Variants in HIP1 observed in about 807,000 individuals in gnomAD.
The protein encoded by HIP1 is huntingtin-interacting protein 1.
In HIP1, 65 loss-of-function variants were observed where a neutral mutation model predicts 147.6. The ratio of observed to expected loss-of-function variants is 0.44; its 90% CI spans 0.36 to 0.54. The LOEUF is 0.54. Ranked by LOEUF, HIP1 falls within the 20% of genes least tolerant of loss-of-function variation. HIP1 has a pLI of 0.00. For missense variants in HIP1, 1,061 were observed against 1,299.6 expected, an observed-to-expected ratio of 0.82 and a Z score of 2.82; for synonymous variants, 479 against 504.0, an observed-to-expected ratio of 0.95 and a Z score of 0.67.
intron 1 of HIP1, among the ~76,000 whole-genome samples, chr7:75,738,428 G>A (rs1035985549): frequency 1.3e-5 from 2 of 152,040 alleles, no homozygotes; most frequent in African/African-American, 4.8e-5. Flanking sequence ...CCCCACACTT[G>A]AGCCTCCAAG....
chr7:75,677,605 A>G (rs1232663425), intron 1 of HIP1, among the ~76,000 whole-genome samples: 1 of 14,242 alleles, frequency 7.0e-5, no homozygotes, highest in East Asian at 2.0e-3. Context: ...ACTCCATCTA[A>G]AAAAAAAAAA....
Position 75,537,898 on chromosome 7 carries a change from C to A in HIP1, c.*274G>T, listed in dbSNP as rs1794147691. 2.0e-6 allele frequency: 1 copy of A among 502,258 alleles called. No individual in the cohort carries two copies. The highest frequency in any genetic ancestry group is 3.3e-5 in the East Asian group (1 of 30,044). The allele number at this position is 502,258 out of a possible 1,614,324, so 31.1% of individuals were successfully genotyped here. A position where few individuals can be genotyped will look rare whatever the true frequency, so the allele number is the denominator to read the frequency against. ...TTGAGTGGCCCTGCCCCCCACCACCCCTCTTCGTACCTAGGCTTGCTCATG... is the reference window on the plus strand; with the variant it reads ...TTGAGTGGCCCTGCCCCCCACCACCACTCTTCGTACCTAGGCTTGCTCATG... On this transcript the variant is annotated 3_prime_UTR_variant, in exon 31 of 31. Coordinates refer to ENST00000336926, the MANE Select transcript of HIP1 (RefSeq NM_005338.7).
intron 1 of HIP1, among the ~76,000 whole-genome samples, chr7:75,711,041 G>C (rs781894440): frequency 1.3e-5 from 2 of 152,050 alleles, no homozygotes; most frequent in Non-Finnish European, 2.9e-5. Context: ...GTCTACCTAT[G>C]AGAACTGCAC....
intron 1 of HIP1, among the ~76,000 whole-genome samples, chr7:75,604,837 G>A (rs1797157610): frequency 6.6e-6 from 1 of 152,114 alleles, no homozygotes; most frequent in Admixed American, 6.6e-5. Context: ...TGGTCATTAT[G>A]AACCTTGCTC....
intron 28 of HIP1, among the ~76,000 whole-genome samples, 199 bp downstream of exon 28, chr7:75,542,652 T>C (rs1354432461): frequency 1.3e-5 from 2 of 152,038 alleles, no homozygotes; most frequent in Admixed American, 6.6e-5. Flanking sequence ...TGAGCAGAGA[T>C]GGTACCACTG....
chr7:75,652,579 G>A (rs1799031837), intron 1 of HIP1, among the ~76,000 whole-genome samples: 1 of 151,902 alleles, frequency 6.6e-6, no homozygotes. Flanking sequence ...TGCCTGGGCT[G>A]GTCTTGAACT....
chr7:75,581,990 A>C, intron 6 of HIP1, 85 bp downstream of exon 6: 2 of 1,137,628 alleles, frequency 1.8e-6, no homozygotes, highest in Non-Finnish European at 2.6e-6. Context: ...GCCTCCCCCC[A>C]TCAGGCCCTC....
chr7:75,575,942 A>T (rs1365227723), intron 7 of HIP1, among the ~76,000 whole-genome samples: 2 of 151,894 alleles, frequency 1.3e-5, no homozygotes, highest in African/African-American at 4.8e-5. Flanking sequence ...GAACTGTTCT[A>T]ATTAAAAGGC....
chr7:75,575,809 C>T (rs1230212557), intron 7 of HIP1, among the ~76,000 whole-genome samples: 2 of 152,082 alleles, frequency 1.3e-5, no homozygotes, highest in Non-Finnish European at 2.9e-5. Flanking sequence ...TGACTCTCCC[C>T]GCGGTCCCTC....
At chr7:75,674,532 G>A (rs577512543) in intron 1 of HIP1, among the ~76,000 whole-genome samples, 23 of 143,262 alleles carry the variant, frequency 1.6e-4, no homozygotes, top group East Asian at 6.1e-4. Context: ...TCACTCTGTC[G>A]CCTAGGCTGT....
intron 1 of HIP1, among the ~76,000 whole-genome samples, chr7:75,621,159 A>G (rs1189423976): frequency 1.3e-5 from 2 of 152,158 alleles, no homozygotes; most frequent in African/African-American, 4.8e-5. Context: ...GTGAGCTACG[A>G]TAGGGCCACT....
intron 1 of HIP1, 55 bp downstream of exon 1, chr7:75,738,746 G>A (rs1802108274): frequency 3.2e-6 from 5 of 1,570,426 alleles, no homozygotes; most frequent in East Asian, 4.8e-5. Context: ...AGCCCCTCCC[G>A]GACACCGCGT....
intron 2 of HIP1, among the ~76,000 whole-genome samples, chr7:75,593,053 C>T (rs1349424121): frequency 2.0e-5 from 3 of 152,242 alleles, no homozygotes; most frequent in Admixed American, 1.3e-4. Flanking sequence ...ACTGTAACCT[C>T]AAACTCCTGG....
At chr7:75,556,895 A>G (rs1795026466) in intron 16 of HIP1, 84 bp from the exon 17 acceptor site, 1 of 853,634 alleles carries the variant, frequency 1.2e-6, no homozygotes, top group Non-Finnish European at 2.0e-6. Context: ...CCAAGCGATC[A>G]ACAAGAGATC....
chr7:75,724,513 G>T (rs1554522134), intron 1 of HIP1, among the ~76,000 whole-genome samples: 1 of 151,928 alleles, frequency 6.6e-6, no homozygotes. Flanking sequence ...CTCCCAAAGT[G>T]CTGGGATTAC....
chr7:75,546,409 C>G (rs992365158), intron 25 of HIP1, among the ~76,000 whole-genome samples: 1 of 152,188 alleles, frequency 6.6e-6, no homozygotes, highest in Non-Finnish European at 1.5e-5. Flanking sequence ...ATTAACCCCT[C>G]CCCTGGACTT....
At chr7:75,635,275 C>T (rs1554509495) in intron 1 of HIP1, among the ~76,000 whole-genome samples, 1 of 152,106 alleles carries the variant, frequency 6.6e-6, no homozygotes, top group Non-Finnish European at 1.5e-5. Flanking sequence ...TCACAAAAAT[C>T]ACCAGGCCTG....
chr7:75,683,424 G>A (rs1016199799), intron 1 of HIP1, among the ~76,000 whole-genome samples: 4 of 138,184 alleles, frequency 2.9e-5, no homozygotes, highest in Non-Finnish European at 4.6e-5. Context: ...AGAAGCAAAG[G>A]CATTTACTCG....
chr7:75,545,053 T>C, intron 26 of HIP1, 35 bp downstream of exon 26: 3 of 1,259,156 alleles, frequency 2.4e-6, no homozygotes, highest in Non-Finnish European at 3.4e-6. Context: ...GGAAGAGGGG[T>C]CATGGGAGGA....
Sources: allele counts gnomAD v4.1 joint callset (sites outside exome capture counted in the v4.1 genomes callset), GRCh38; gene constraint gnomAD v4.1.1; transcripts MANE v1.5; gene names NCBI Gene and HGNC (gene_info 2026-07-23, HGNC 2026-07-21).